Variants in CADPS2 observed in about 807,000 individuals in gnomAD.
CADPS2 encodes the protein calcium dependent secretion activator 2, also known as calcium-dependent secretion activator 2.
CADPS2 carries 93 observed loss-of-function variants against 172.5 expected under a neutral mutation model. The observed-to-expected ratio is 0.54, with a 90% CI of 0.46 to 0.64. CADPS2 has a LOEUF of 0.64. Among genes scored for constraint, CADPS2 ranks in the 30% least tolerant of loss-of-function variants. The pLI is 0.00. For missense variants in CADPS2, 1,420 were observed against 1,565.9 expected, an observed-to-expected ratio of 0.91 and a Z score of 1.57; for synonymous variants, 546 against 555.2, an observed-to-expected ratio of 0.98 and a Z score of 0.23.
At chr7:122,640,008 C>G (rs2077442441) in intron 3 of CADPS2, among the ~76,000 whole-genome samples, 1 of 152,186 alleles carries the variant, frequency 6.6e-6, no homozygotes, top group African/African-American at 2.4e-5. Flanking sequence ...GAAGACAAGG[C>G]ACATTGAAAT....
At chr7:122,602,384 C>A (rs76534963) in intron 6 of CADPS2, among the ~76,000 whole-genome samples, 20 of 151,900 alleles carry the variant, frequency 1.3e-4, no homozygotes. Context: ...CGTGTATATA[C>A]AGAAACACAC....
At chr7:122,532,843 C>G (rs2061899355) in intron 8 of CADPS2, among the ~76,000 whole-genome samples, 1 of 151,924 alleles carries the variant, frequency 6.6e-6, no homozygotes, top group Non-Finnish European at 1.5e-5. Context: ...TTCTTGTTTG[C>G]TTTTTAAATT....
intron 1 of CADPS2, among the ~76,000 whole-genome samples, chr7:122,807,155 C>T (rs1055479941): frequency 2.6e-5 from 4 of 152,210 alleles, no homozygotes; most frequent in African/African-American, 9.6e-5. Flanking sequence ...GTGCTGGTGG[C>T]CTACCCCAGC....
chr7:122,423,259 C>A (rs1326191132), intron 17 of CADPS2, among the ~76,000 whole-genome samples: 1 of 152,066 alleles, frequency 6.6e-6, no homozygotes, highest in African/African-American at 2.4e-5. Flanking sequence ...CATCTCAATA[C>A]TTATAGGCTT....
chr7:122,606,575 G>A (rs1315572255), intron 6 of CADPS2, among the ~76,000 whole-genome samples: 1 of 152,058 alleles, frequency 6.6e-6, no homozygotes, highest in Non-Finnish European at 1.5e-5. Flanking sequence ...TGGAGCTTGG[G>A]GTAGGAGAAT....
intron 3 of CADPS2, among the ~76,000 whole-genome samples, chr7:122,663,010 G>A (rs541900077): frequency 9.2e-5 from 14 of 152,270 alleles, no homozygotes; most frequent in Admixed American, 3.9e-4. Flanking sequence ...GACACATGGG[G>A]ATGATTACTT....
At chr7:122,857,034 C>T (rs1815441111) in intron 1 of CADPS2, among the ~76,000 whole-genome samples, 1 of 152,066 alleles carries the variant, frequency 6.6e-6, no homozygotes, top group Admixed American at 6.6e-5. Flanking sequence ...AGATATTCAT[C>T]ATGGCACAAA....
At chr7:122,535,840 C>A (rs978617756) in intron 8 of CADPS2, among the ~76,000 whole-genome samples, 1 of 151,998 alleles carries the variant, frequency 6.6e-6, no homozygotes, top group Non-Finnish European at 1.5e-5. Flanking sequence ...AATTCCACTG[C>A]GAGTCTTACT....
intron 28 of CADPS2, among the ~76,000 whole-genome samples, chr7:122,341,356 G>A (rs1044863056): frequency 2.0e-5 from 3 of 151,908 alleles, no homozygotes; most frequent in South Asian, 2.1e-4. Flanking sequence ...CAGTAATTTC[G>A]GTCATCATTG....
intron 7 of CADPS2, among the ~76,000 whole-genome samples, chr7:122,562,714 A>G (rs1424857485): frequency 1.3e-5 from 2 of 152,102 alleles, no homozygotes; most frequent in African/African-American, 4.8e-5. Flanking sequence ...TGATTTAAAG[A>G]TATTTTTACA....
At chr7:122,705,923 A>T (rs1285503357) in intron 2 of CADPS2, among the ~76,000 whole-genome samples, 281 of 980 alleles carry the variant, frequency 0.29, 103 homozygotes, top group African/African-American at 0.39. Flanking sequence ...ATATAATATA[A>T]TATATAATAT....
intron 3 of CADPS2, among the ~76,000 whole-genome samples, chr7:122,657,917 G>T (rs2080012304): frequency 6.6e-6 from 1 of 152,110 alleles, no homozygotes; most frequent in African/African-American, 2.4e-5. Flanking sequence ...TACACTTTTT[G>T]CCCATTACAG....
intron 25 of CADPS2, among the ~76,000 whole-genome samples, chr7:122,370,628 C>T (rs1277633744): frequency 6.6e-6 from 1 of 152,080 alleles, no homozygotes; most frequent in Non-Finnish European, 1.5e-5. Context: ...AAAGTGGGCA[C>T]AGAGGGCATT....
chr7:122,547,899 T>C (rs1188395797), intron 8 of CADPS2, among the ~76,000 whole-genome samples: 1 of 152,142 alleles, frequency 6.6e-6, no homozygotes, highest in Admixed American at 6.5e-5. Context: ...CAAAGGTCTT[T>C]AGAATGCTAA....
chr7:122,810,139 T>C (rs572584620), intron 1 of CADPS2, among the ~76,000 whole-genome samples: 1 of 152,104 alleles, frequency 6.6e-6, no homozygotes, highest in African/African-American at 2.4e-5. Context: ...TGAAACTAGG[T>C]TTGGAAAATG....
At chr7:122,367,710 A>ATTTTT (rs57790964) in intron 25 of CADPS2, among the ~76,000 whole-genome samples, 10 of 60,142 alleles carry the variant, frequency 1.7e-4, no homozygotes, top group East Asian at 1.7e-3. Flanking sequence ...TGCCCAGCTA[A>ATTTTT]TTTTTTTTTT....
chr7:122,780,026 T>G (rs2139359064), intron 1 of CADPS2, among the ~76,000 whole-genome samples: 1 of 152,294 alleles, frequency 6.6e-6, no homozygotes, highest in Admixed American at 6.5e-5. Flanking sequence ...ATGTTGCCAT[T>G]TTCTAATTTT....
intron 28 of CADPS2, among the ~76,000 whole-genome samples, chr7:122,341,712 G>A (rs1585123644): frequency 6.6e-6 from 1 of 152,196 alleles, no homozygotes; most frequent in South Asian, 2.1e-4. Flanking sequence ...CTGAGTGGGA[G>A]ATGTTTTAAC....
intron 1 of CADPS2, among the ~76,000 whole-genome samples, chr7:122,776,070 T>C (rs985161511): frequency 2.0e-5 from 3 of 152,314 alleles, no homozygotes; most frequent in South Asian, 2.1e-4. Flanking sequence ...CATTCACCTA[T>C]TGTTATATAC....
Sources: allele counts gnomAD v4.1 joint callset (sites outside exome capture counted in the v4.1 genomes callset), GRCh38; gene constraint gnomAD v4.1.1; transcripts MANE v1.5; gene names NCBI Gene and HGNC (gene_info 2026-07-23, HGNC 2026-07-21).